Variants in ATRX observed in about 807,000 individuals in gnomAD.
ATRX encodes the protein chromatin remodeler ATRX.
A neutral mutation model predicts 172.6 loss-of-function variants in ATRX; 12 were observed. That is an observed-to-expected ratio of 0.07 (90% CI 0.04 to 0.11). ATRX has a LOEUF of 0.11. Among genes scored for constraint, ATRX ranks in the 10% least tolerant of loss-of-function variants. The pLI, the probability that ATRX is intolerant of heterozygous loss-of-function variation, is 1.00. For missense variants in ATRX, 1,368 were observed against 1,767.4 expected, an observed-to-expected ratio of 0.77 and a Z score of 4.05; for synonymous variants, 674 against 594.7, an observed-to-expected ratio of 1.13 and a Z score of -1.94.
intron 10 of ATRX, among the ~76,000 whole-genome samples, chrX:77,673,586 C>A (rs782600671): frequency 9.9e-5 from 11 of 110,763 alleles, no homozygotes; most frequent in Admixed American, 1.9e-4. Flanking sequence ...ATAGGTTAGA[C>A]CACTGTCTCA....
At chrX:77,736,636 A>G (rs1415248134) in intron 1 of ATRX, among the ~76,000 whole-genome samples, 1 of 112,666 alleles carries the variant, frequency 8.9e-6, no homozygotes, top group Non-Finnish European at 1.9e-5. Flanking sequence ...AAATAGGACA[A>G]CCACTACGAA....
At chrX:77,734,544 T>C (rs1569543800) in intron 1 of ATRX, among the ~76,000 whole-genome samples, 4 of 112,215 alleles carry the variant, frequency 3.6e-5, no homozygotes, top group Admixed American at 1.9e-4. Context: ...CCCAGCACTT[T>C]GGGAGGCCAA....
chrX:77,725,893 C>T (rs1264434194), intron 1 of ATRX, among the ~76,000 whole-genome samples: 1 of 112,547 alleles, frequency 8.9e-6, no homozygotes, highest in Admixed American at 9.4e-5. Flanking sequence ...CACTGGTCAT[C>T]AGACAAATGC....
At chrX:77,568,300 C>T (rs151083620) in intron 28 of ATRX, among the ~76,000 whole-genome samples, 3,282 of 111,080 alleles carry the variant, frequency 0.03, 63 homozygotes, top group East Asian at 0.087. Context: ...CAGAAGCTAT[C>T]ACTATAGACC....
At chrX:77,586,757 T>A (rs2066040740) in intron 27 of ATRX, among the ~76,000 whole-genome samples, 1 of 111,704 alleles carries the variant, frequency 9.0e-6, no homozygotes, top group African/African-American at 3.3e-5. Flanking sequence ...TGTACAAAAA[T>A]TTAAAATGTT....
chrX:77,723,443 G>A (rs1371508823), intron 1 of ATRX, among the ~76,000 whole-genome samples: 6 of 111,811 alleles, frequency 5.4e-5, no homozygotes, highest in African/African-American at 2.0e-4. Context: ...AAAGAAATGA[G>A]ATATAACAGA....
chrX:77,515,464 GT>G (rs1426018208), intron 34 of ATRX, among the ~76,000 whole-genome samples: 1 of 110,945 alleles, frequency 9.0e-6, no homozygotes, highest in African/African-American at 3.3e-5. Flanking sequence ...TATTCTAAAT[GT>G]GCCTTTCTTC....
In ATRX at chrX:77,627,070, A is replaced by G. The variant is rs2067892934; in HGVS notation, c.5134+6137T>C. On this transcript the variant is annotated intron_variant, in intron 19 of 34. Transcript: ENST00000373344. ...GAAACCCCGTTTCCACTAAAAAAAT[A>G]CAAGAAAAAAAAATTAGCCAGGCGT... 6.3e-5 allele frequency among the ~76,000 whole-genome samples: 7 copies of G among 111,041 alleles called. No individual in the cohort carries two copies. The South Asian group carries it at 1.9e-3, about 30-fold the overall frequency.
Position 77,654,253 on chromosome X carries a change from A to G in ATRX, c.4215-53T>C, listed in dbSNP as rs868946032. 5 of 1,005,932 alleles carry G rather than the reference A, an allele frequency of 5.0e-6. No homozygotes were observed. In the Middle Eastern group the frequency reaches 8.0e-4, roughly 160 times the overall value. The allele number at this position is 1,005,932 out of a possible 1,213,427, so 82.9% of individuals were successfully genotyped here. On this transcript the variant is annotated intron_variant, in intron 13 of 34. Coordinates refer to ENST00000373344, the MANE Select transcript of ATRX (RefSeq NM_000489.6). The stretch of plus-strand genomic sequence containing the variant: ...AATATTTCATGATAAACTTCCATCA[A>G]TAAGTTATGTACTATTTTAAAACTG...
At chrX:77,621,252 CTT>C (rs2067567083) in intron 19 of ATRX, among the ~76,000 whole-genome samples, 1 of 111,909 alleles carries the variant, frequency 8.9e-6, no homozygotes, top group Non-Finnish European at 1.9e-5. Context: ...TCTGTGGACT[CTT>C]TTAGAAGAAA....
At chrX:77,687,142 G>C (rs1327554514) in intron 7 of ATRX, among the ~76,000 whole-genome samples, 1 of 61,821 alleles carries the variant, frequency 1.6e-5, no homozygotes, top group Non-Finnish European at 2.7e-5. Context: ...GACAGAGCAA[G>C]ACTCCGTCTC....
chrX:77,707,402 T>C (rs2072890479), intron 2 of ATRX, among the ~76,000 whole-genome samples: 2 of 112,444 alleles, frequency 1.8e-5, no homozygotes, highest in African/African-American at 3.2e-5. Context: ...TTAGAATATA[T>C]AAAGAATTCT....
Position 77,620,841 on chromosome X carries a change from C to T in ATRX, c.5135-309G>A, listed in dbSNP as rs1021752162. On this transcript the variant is annotated intron_variant, in intron 19 of 34. Transcript: ENST00000373344. Reference sequence around the variant, plus strand: ...AAAAAGTTCCCCCAACAGACATAGCCTATTTTTAAAAATGTCTTTTAAAAT... The same window carrying T: ...AAAAAGTTCCCCCAACAGACATAGCTTATTTTTAAAAATGTCTTTTAAAAT... Among the ~76,000 whole-genome samples, 3 of 111,710 alleles carry T rather than the reference C, an allele frequency of 2.7e-5. No homozygotes were observed. The East Asian group carries it at 8.3e-4, about 31-fold the overall frequency.
intron 34 of ATRX, among the ~76,000 whole-genome samples, chrX:77,519,152 G>A (rs782077291): frequency 3.6e-5 from 4 of 111,202 alleles, no homozygotes; most frequent in Non-Finnish European, 7.5e-5. Context: ...GGACAAACAG[G>A]ATACCACTAA....
chrX:77,512,694 C>T (rs1156381865), intron 34 of ATRX, among the ~76,000 whole-genome samples: 3 of 110,800 alleles, frequency 2.7e-5, no homozygotes, highest in Non-Finnish European at 3.8e-5. Flanking sequence ...CATGGTGAAA[C>T]CCTGTCTCTA....
chrX:77,694,235 T>C (rs2072057671), intron 5 of ATRX, among the ~76,000 whole-genome samples: 1 of 112,250 alleles, frequency 8.9e-6, no homozygotes, highest in Non-Finnish European at 1.9e-5. Context: ...TGAATTTTTA[T>C]AGTGCCTATC....
At chrX:77,728,973 G>A (rs2074177350) in intron 1 of ATRX, among the ~76,000 whole-genome samples, 1 of 107,810 alleles carries the variant, frequency 9.3e-6, no homozygotes, top group Non-Finnish European at 1.9e-5. Flanking sequence ...TATTGGCCAG[G>A]CTGGTCTTGA....
intron 26 of ATRX, among the ~76,000 whole-genome samples, chrX:77,591,403 T>C (rs1390481602): frequency 1.8e-5 from 2 of 112,241 alleles, no homozygotes; most frequent in African/African-American, 6.5e-5. Flanking sequence ...AGAAACAATA[T>C]ACCTGTGGCA....
At chrX:77,575,164 A>C in intron 27 of ATRX, among the ~76,000 whole-genome samples, 1 of 110,840 alleles carries the variant, frequency 9.0e-6, no homozygotes. Context: ...ATCATGCCCC[A>C]GAGCCTTAAA....
Sources: allele counts gnomAD v4.1 joint callset (sites outside exome capture counted in the v4.1 genomes callset), GRCh38; gene constraint gnomAD v4.1.1; transcripts MANE v1.5; gene names NCBI Gene and HGNC (gene_info 2026-07-23, HGNC 2026-07-21).